The following PTER variants were observed in gnomAD, a reference collection of about 807,000 sequenced individuals.
PTER encodes the protein N-acetyltaurine hydrolase.
PTER carries 38 observed loss-of-function variants against 29.6 expected under a neutral mutation model. The ratio of observed to expected loss-of-function variants is 1.28; its 90% CI spans 0.99 to 1.68. PTER has a LOEUF of 1.68. PTER is among the 40% of genes most tolerant of loss of function. The probability of loss-of-function intolerance (pLI) is 0.00; values close to 1 mark genes in which losing one functional copy is unlikely to be tolerated. For synonymous variants in PTER, 172 were observed against 154.5 expected (o/e 1.11, Z -0.84); for missense variants, 482 against 427.8 (o/e 1.13, Z -1.12).
chr10:16,486,218 A>G, intron 2 of PTER, 134 bp from the exon 3 acceptor site: 1 of 1,066,218 alleles, frequency 9.4e-7, no homozygotes, highest in South Asian at 1.8e-5. Context: ...CTTGGCCAAT[A>G]TTAATTGATA....
intron 1 of PTER, among the ~76,000 whole-genome samples, chr10:16,463,850 A>G (rs1007967595): frequency 6.6e-6 from 1 of 152,220 alleles, no homozygotes; most frequent in Non-Finnish European, 1.5e-5. Context: ...AGGAACCTAT[A>G]GCAGTGGATT....
intron 1 of PTER, among the ~76,000 whole-genome samples, chr10:16,471,106 C>A (rs1441769585): frequency 6.6e-6 from 1 of 152,094 alleles, no homozygotes; most frequent in East Asian, 1.9e-4. Context: ...AATCAGTCGG[C>A]GATGGACTAC....
intron 1 of PTER, among the ~76,000 whole-genome samples, chr10:16,443,292 G>C (rs1833908567): frequency 6.6e-6 from 1 of 152,136 alleles, no homozygotes; most frequent in East Asian, 1.9e-4. Context: ...CTATTGGATT[G>C]AGACCTACCC....
chr10:16,442,829 A>C (rs1564382431), intron 1 of PTER, among the ~76,000 whole-genome samples: 1 of 152,006 alleles, frequency 6.6e-6, no homozygotes. Flanking sequence ...AAAATACAAA[A>C]ATTAGCCAGG....
chr10:16,508,359 C>T (rs142526556), intron 4 of PTER, among the ~76,000 whole-genome samples: 1,788 of 152,244 alleles, frequency 0.012, 35 homozygotes, highest in African/African-American at 0.04. Flanking sequence ...TGAGCCACCG[C>T]GCCCGGCCTC....
chr10:16,511,343 T>G lies in PTER; in HGVS notation c.*87T>G. 8.2e-7 allele frequency: 1 copy of G among 1,219,318 alleles called. No homozygotes were observed. The highest frequency in any genetic ancestry group is 1.2e-6 in the Non-Finnish European group (1 of 835,832). The allele number at this position is 1,219,318 out of a possible 1,614,324, so 75.5% of individuals were successfully genotyped here. ...CAGTCCACTGTGAGATATTAATCAG[T>G]TACCTAGGACTAATGACAGATCATT... On this transcript the variant is annotated 3_prime_UTR_variant, in exon 5 of 5. Coordinates refer to ENST00000535784, the MANE Select transcript of PTER (RefSeq NM_001261836.2).
chr10:16,490,861 C>T (rs938571415), intron 3 of PTER, among the ~76,000 whole-genome samples: 1 of 151,796 alleles, frequency 6.6e-6, no homozygotes, highest in African/African-American at 2.4e-5. Context: ...ACCCTTACTT[C>T]TACCACAGTA....
At chr10:16,478,092 G>T (rs1464588406) in intron 1 of PTER, among the ~76,000 whole-genome samples, 1 of 152,176 alleles carries the variant, frequency 6.6e-6, no homozygotes, top group East Asian at 1.9e-4. Context: ...GTAAAATCAA[G>T]AATTTTACAT....
At chr10:16,447,590 T>G (rs1445217551) in intron 1 of PTER, among the ~76,000 whole-genome samples, 2 of 152,210 alleles carry the variant, frequency 1.3e-5, no homozygotes, top group Admixed American at 6.5e-5. Flanking sequence ...TTTTATAAGT[T>G]GTTTCTATAC....
intron 4 of PTER, 63 bp downstream of exon 4, chr10:16,505,223 A>G (rs1044910520): frequency 2.5e-6 from 4 of 1,571,502 alleles, no homozygotes; most frequent in Non-Finnish European, 2.6e-6. Flanking sequence ...TGTCATATCT[A>G]GGGAAGTATT....
chr10:16,454,646 G>A (rs1269098697), intron 1 of PTER, among the ~76,000 whole-genome samples: 2 of 150,574 alleles, frequency 1.3e-5, no homozygotes, highest in Non-Finnish European at 2.9e-5. Flanking sequence ...TCTAATATAC[G>A]TGAACAAGAG....
At chr10:16,482,209 A>T (rs939172276) in intron 1 of PTER, among the ~76,000 whole-genome samples, 1 of 152,226 alleles carries the variant, frequency 6.6e-6, no homozygotes, top group Non-Finnish European at 1.5e-5. Flanking sequence ...TATATCGCAA[A>T]CACCTGAGTT....
At position 16,484,781 on chromosome 10, in the gene PTER, C is replaced by A; in HGVS notation, c.397C>A (p.His133Asn). 4 of 1,612,646 alleles carry A rather than the reference C, an allele frequency of 2.5e-6. No individual in the cohort carries two copies. The highest frequency in any genetic ancestry group is 3.4e-6 in the Non-Finnish European group (4 of 1,179,530). ...AGCCGGGTTTTATGTGGATGCAACTCACTCCTCAGAGACCAGGGCCATGTC... is the reference window on the plus strand; with the variant it reads ...AGCCGGGTTTTATGTGGATGCAACTAACTCCTCAGAGACCAGGGCCATGTC... ...SGAGFYVDAT[H>N]SSETRAMSVE... is the part of the protein sequence containing the mutation. Residue 133 changes from histidine (H) to asparagine (N), a missense_variant, in exon 2 of 5, where the codon CAC becomes AAC. His to Asn is a moderately conservative substitution (Grantham distance 68). Coordinates refer to ENST00000535784, the MANE Select transcript of PTER (RefSeq NM_001261836.2).
intron 3 of PTER, among the ~76,000 whole-genome samples, chr10:16,493,736 GAGAA>G (rs900079927): frequency 6.6e-5 from 10 of 151,864 alleles, no homozygotes; most frequent in Non-Finnish European, 1.0e-4. Context: ...GGAGGGAGAA[GAGAA>G]AGAAAGAAGG....
chr10:16,491,224 G>T (rs1393826389), intron 3 of PTER, among the ~76,000 whole-genome samples: 10 of 152,094 alleles, frequency 6.6e-5, no homozygotes, highest in African/African-American at 2.4e-4. Context: ...GCATGAAAAA[G>T]ACATACATGA....
intron 1 of PTER, among the ~76,000 whole-genome samples, chr10:16,470,774 A>G (rs1052658474): frequency 3.3e-5 from 5 of 152,082 alleles, no homozygotes; most frequent in Admixed American, 6.5e-5. Flanking sequence ...TCTCAAAAAA[A>G]ACAAAAAAAA....
intron 1 of PTER, among the ~76,000 whole-genome samples, chr10:16,455,257 C>T (rs1834355348): frequency 6.6e-6 from 1 of 151,806 alleles, no homozygotes; most frequent in Non-Finnish European, 1.5e-5. Flanking sequence ...AATGAATAAG[C>T]AGAGCTGTTC....
chr10:16,499,837 C>CAT (rs1056378705), intron 3 of PTER, among the ~76,000 whole-genome samples: 4 of 152,094 alleles, frequency 2.6e-5, no homozygotes, highest in African/African-American at 9.7e-5. Flanking sequence ...AAAAAAACTG[C>CAT]ATATATATGT....
At chr10:16,514,371 G>A, downstream of PTER, 1 of 618,526 alleles carries the variant, frequency 1.6e-6, no homozygotes, top group Non-Finnish European at 2.9e-6. Flanking sequence ...TAATGTTTCT[G>A]AGTGATACAG....
Sources: gnomAD v4.1 joint callset for allele counts (sites outside exome capture counted in the v4.1 genomes callset) on GRCh38, gnomAD v4.1.1 for gene constraint, MANE v1.5 for transcripts, NCBI Gene and HGNC (gene_info 2026-07-23, HGNC 2026-07-21) for gene names.